The following MKLN1 variants were observed in gnomAD, a reference collection of about 807,000 sequenced individuals.
The protein encoded by MKLN1 is muskelin.
MKLN1 carries 18 observed loss-of-function variants against 99.0 expected under a neutral mutation model. That is an observed-to-expected ratio of 0.18 (90% CI 0.13 to 0.27). The LOEUF (loss-of-function observed/expected upper bound fraction) is 0.27, where lower values mean the gene tolerates loss of function less well. MKLN1 is among the 10% of genes least tolerant of loss of function. The pLI is 1.00. For synonymous variants in MKLN1, 288 were observed against 293.2 expected (o/e 0.98, Z 0.18); for missense variants, 621 against 875.9 (o/e 0.71, Z 3.67).
chr7:131,221,674 ATTTTTTTT>A (rs1162923537), intron 3 of MKLN1, among the ~76,000 whole-genome samples: 51 of 128,890 alleles, frequency 4.0e-4, no homozygotes, highest in African/African-American at 1.4e-3. Context: ...CACCCGGCTA[ATTTTTTTT>A]TTTTTTTTTT....
intron 2 of MKLN1, among the ~76,000 whole-genome samples, chr7:131,175,131 A>AGGGT (rs1310562630): frequency 1.4e-5 from 2 of 143,384 alleles, no homozygotes; most frequent in Non-Finnish European, 3.0e-5. Context: ...ATAGATGGAT[A>AGGGT]GGGTGGATGG....
chr7:131,165,761 T>C (rs1796113841), intron 2 of MKLN1, among the ~76,000 whole-genome samples: 1 of 152,168 alleles, frequency 6.6e-6, no homozygotes, highest in African/African-American at 2.4e-5. Flanking sequence ...AAGATTGTTC[T>C]AGCGGCACCG....
intron 2 of MKLN1, among the ~76,000 whole-genome samples, chr7:131,192,097 T>TATATATAATATATATAC (rs1397719421): frequency 3.9e-5 from 3 of 76,858 alleles, no homozygotes; most frequent in African/African-American, 1.7e-4. Context: ...TATATATATA[T>TATATATAATATATATAC]GTATATATAT....
intron 1 of MKLN1, among the ~76,000 whole-genome samples, chr7:131,128,946 C>T: frequency 6.8e-6 from 1 of 148,058 alleles, no homozygotes. Context: ...GCTCTGTTGC[C>T]CAAGCTAGAG....
intron 8 of MKLN1, among the ~76,000 whole-genome samples, chr7:131,428,334 A>T (rs1489498945): frequency 6.6e-6 from 1 of 152,258 alleles, no homozygotes; most frequent in Admixed American, 6.5e-5. Context: ...CAAGATACTT[A>T]GAATGACTTA....
At chr7:131,409,985 G>A (rs1295385542) in intron 6 of MKLN1, among the ~76,000 whole-genome samples, 1 of 151,502 alleles carries the variant, frequency 6.6e-6, no homozygotes, top group Non-Finnish European at 1.5e-5. Context: ...TTTTTTTTCT[G>A]TATGTCTCTT....
Position 131,445,799 on chromosome 7 carries a change from G to A in MKLN1, c.1421G>A (p.Gly474Asp). 1 of 1,600,480 alleles carries A rather than the reference G, an allele frequency of 6.2e-7. No homozygotes were observed. Among genetic ancestry groups the A allele is most frequent in the Non-Finnish European group, 8.5e-7 (1 of 1,173,052 alleles). ...HSKNRCLYVF[G>D]GQRSKTYLND... Reference sequence around the variant, plus strand: ...AAAAATCGTTGCTTATATGTATTTGGTGGCCAGCGATCAAAGACCTATTTG... The same window carrying A: ...AAAAATCGTTGCTTATATGTATTTGATGGCCAGCGATCAAAGACCTATTTG... The change falls in exon 12 of 18, where the codon GGT becomes GAT. Residue 474 changes from glycine to aspartate, a missense_variant. By Grantham distance (94) the Gly-to-Asp change is moderately conservative. Transcript: ENST00000352689.
At chr7:131,206,731 A>G (rs557647696) in intron 3 of MKLN1, among the ~76,000 whole-genome samples, 125 of 151,644 alleles carry the variant, frequency 8.2e-4, no homozygotes, top group Non-Finnish European at 1.6e-3. Flanking sequence ...AATTTTGTTT[A>G]TTTTTTTAGA....
intron 3 of MKLN1, among the ~76,000 whole-genome samples, chr7:131,283,386 TTC>T (rs1436057169): frequency 9.0e-6 from 1 of 111,088 alleles, no homozygotes; most frequent in African/African-American, 3.4e-5. Flanking sequence ...CCTTCCTTCC[TTC>T]CTTCCTTCCT....
chr7:131,333,625 C>T (rs971850821), intron 1 of MKLN1, among the ~76,000 whole-genome samples: 7 of 152,040 alleles, frequency 4.6e-5, no homozygotes, highest in African/African-American at 9.7e-5. Flanking sequence ...CAACCTCTGC[C>T]TCCCGGGTCC....
chr7:131,221,345 C>T (rs1563257046), intron 3 of MKLN1, among the ~76,000 whole-genome samples: 1 of 152,122 alleles, frequency 6.6e-6, no homozygotes, highest in Non-Finnish European at 1.5e-5. Flanking sequence ...GGTGCCCTGC[C>T]TAGTGCTGGA....
At chr7:131,428,473 T>TAACC (rs1276736606) in intron 8 of MKLN1, among the ~76,000 whole-genome samples, 5 of 152,246 alleles carry the variant, frequency 3.3e-5, no homozygotes, top group African/African-American at 1.2e-4. Flanking sequence ...AAGCTAGTTT[T>TAACC]AACCATTGTT....
At chr7:131,338,622 T>C (rs993245136) in intron 1 of MKLN1, among the ~76,000 whole-genome samples, 1 of 152,214 alleles carries the variant, frequency 6.6e-6, no homozygotes, top group Non-Finnish European at 1.5e-5. Context: ...CAGAAATCTT[T>C]CTGTGTTTAG....
At chr7:131,204,979 C>T (rs1450828173) in intron 3 of MKLN1, among the ~76,000 whole-genome samples, 3 of 150,744 alleles carry the variant, frequency 2.0e-5, no homozygotes, top group African/African-American at 7.3e-5. Context: ...GCACCTGTAA[C>T]CCTAGCTACT....
rs1022208918 is a variant in MKLN1 at position 131,489,586 on chromosome 7, C to T, written c.*1858C>T. The T allele has an allele frequency of 1.3e-5, 2 of 152,114 alleles. No individual in the cohort carries two copies. Among genetic ancestry groups the T allele is most frequent in the Non-Finnish European group, 2.9e-5 (2 of 68,008 alleles). The allele number at this position is 152,114 out of a possible 1,614,324, so 9.4% of individuals were successfully genotyped here. On this transcript the variant is annotated 3_prime_UTR_variant, in exon 18 of 18. Coordinates refer to ENST00000352689, the MANE Select transcript of MKLN1 (RefSeq NM_013255.5). ...GAAGATTGACAAGGAAGAACTTGAGCTTGCTAAATAAGACTTCCTAAATTT... is the reference window on the plus strand; with the variant it reads ...GAAGATTGACAAGGAAGAACTTGAGTTTGCTAAATAAGACTTCCTAAATTT...
chr7:131,284,032 G>C (rs1798097520), intron 3 of MKLN1, among the ~76,000 whole-genome samples: 1 of 152,148 alleles, frequency 6.6e-6, no homozygotes, highest in African/African-American at 2.4e-5. Flanking sequence ...ATTCTCCTGT[G>C]GGTGGATATT....
intron 2 of MKLN1, among the ~76,000 whole-genome samples, chr7:131,192,210 T>A (rs1446974830): frequency 1.5e-5 from 1 of 64,840 alleles, no homozygotes; most frequent in Admixed American, 2.4e-4. Flanking sequence ...ATACAATATA[T>A]AAATATATAA....
intron 1 of MKLN1, among the ~76,000 whole-genome samples, chr7:131,356,625 CAG>C (rs888827683): frequency 3.9e-5 from 6 of 152,126 alleles, no homozygotes; most frequent in Non-Finnish European, 7.4e-5. Flanking sequence ...CCAAGGGAGA[CAG>C]GGGCAGGATT....
intron 7 of MKLN1, among the ~76,000 whole-genome samples, chr7:131,413,809 G>T (rs1307448029): frequency 1.3e-5 from 2 of 152,156 alleles, no homozygotes; most frequent in South Asian, 2.1e-4. Flanking sequence ...AGAGTGCTGG[G>T]ATTACAGGTT....
Sources: allele counts gnomAD v4.1 joint callset (sites outside exome capture counted in the v4.1 genomes callset), GRCh38; gene constraint gnomAD v4.1.1; transcripts MANE v1.5; gene names NCBI Gene and HGNC (gene_info 2026-07-23, HGNC 2026-07-21).